Variants in MSTO1 observed in about 807,000 individuals in gnomAD.
MSTO1 encodes the protein protein misato homolog 1.
A neutral mutation model predicts 55.7 loss-of-function variants in MSTO1; 24 were observed. The ratio of observed to expected loss-of-function variants is 0.43; its 90% CI spans 0.31 to 0.61. The LOEUF (loss-of-function observed/expected upper bound fraction) is 0.61. Among genes scored for constraint, MSTO1 ranks in the 20% least tolerant of loss-of-function variants. The pLI is 0.09. For missense variants in MSTO1, 363 were observed against 625.7 expected, an observed-to-expected ratio of 0.58 and a Z score of 4.48; for synonymous variants, 162 against 252.8, an observed-to-expected ratio of 0.64 and a Z score of 3.41.
At chr1:155,594,181 C>T in the MSTO1 span, among the ~76,000 whole-genome samples, 265 of 151,918 alleles carry the variant, frequency 1.7e-3, no homozygotes, top group Non-Finnish European at 3.0e-3. Context: ...GCGGGTGGAT[C>T]ACATGAAGCT....
At chr1:155,610,182 C>G (rs896145629), upstream of MSTO1, 2 of 1,009,348 alleles carry the variant, frequency 2.0e-6, no homozygotes, top group Non-Finnish European at 2.9e-6. Flanking sequence ...ACGCGCCTGC[C>G]AAGCCAATCG....
the MSTO1 span, among the ~76,000 whole-genome samples, chr1:155,570,776 T>TTG: frequency 6.6e-6 from 1 of 151,930 alleles, no homozygotes; most frequent in Admixed American, 6.6e-5. Flanking sequence ...GTGTGTGTGT[T>TTG]TGTGTGTGTG....
At chr1:155,563,643 G>A in the MSTO1 span, 4 of 453,910 alleles carry the variant, frequency 8.8e-6, no homozygotes, top group Non-Finnish European at 1.8e-5. Flanking sequence ...GGAGGATGAA[G>A]AAACCATGTG....
the MSTO1 span, among the ~76,000 whole-genome samples, chr1:155,568,055 A>T: frequency 5.6e-5 from 8 of 143,472 alleles, no homozygotes; most frequent in African/African-American, 1.8e-4. Context: ...AAAAAAAATT[A>T]TTTATTTTAT....
chr1:155,594,072 A>G, the MSTO1 span, among the ~76,000 whole-genome samples: 3 of 151,758 alleles, frequency 2.0e-5, no homozygotes, highest in Admixed American at 6.6e-5. Flanking sequence ...AGGATGTGAC[A>G]TTTGAGTTGA....
chr1:155,606,440 G>A (rs2148975193), upstream of MSTO1, among the ~76,000 whole-genome samples: 1 of 150,708 alleles, frequency 6.6e-6, no homozygotes, highest in African/African-American at 2.4e-5. Flanking sequence ...TGTCTCCCAG[G>A]CTGGAGCGCA....
the MSTO1 span, among the ~76,000 whole-genome samples, chr1:155,592,826 A>G: frequency 6.6e-6 from 1 of 152,042 alleles, no homozygotes; most frequent in Admixed American, 6.6e-5. Flanking sequence ...AAGTGCTGGG[A>G]GCGAGCCACT....
chr1:155,611,994 G>A lies in MSTO1; in HGVS notation c.572G>A (p.Arg191Gln). ...TTTACTTGTGGCAGGGAAGCAGGTC[G>A]GCTGGAGGCTTTTGGCCAAGGGGAA... ...QKYNHDGEAG[R>Q]LEAFGQGESV... The change falls in exon 7 of 14, where the codon CGG becomes CAG. Residue 191 changes from arginine to glutamine, a missense_variant. Arg to Gln is a conservative substitution (Grantham distance 43). This residue lies in a region of MSTO1 where 94 missense variants were observed against 212.4 expected (regional missense o/e 0.44). Coordinates refer to ENST00000245564, the MANE Select transcript of MSTO1 (RefSeq NM_018116.4). The A allele has an allele frequency of 7.1e-7, 1 of 1,406,536 alleles. No individual in the cohort carries two copies. Among genetic ancestry groups the A allele is most frequent in the Non-Finnish European group, 9.7e-7 (1 of 1,027,670 alleles). 87.1% of individuals were successfully genotyped at this position (1,406,536 alleles called of 1,614,324 possible).
At chr1:155,597,115 A>G in the MSTO1 span, among the ~76,000 whole-genome samples, 1 of 151,072 alleles carries the variant, frequency 6.6e-6, no homozygotes, top group Non-Finnish European at 1.5e-5. Context: ...TCAAAAATAC[A>G]AAAGACAAAG....
the MSTO1 span, among the ~76,000 whole-genome samples, chr1:155,593,831 T>G: frequency 6.6e-6 from 1 of 151,772 alleles, no homozygotes; most frequent in Non-Finnish European, 1.5e-5. Context: ...TAGCCGGGTG[T>G]GGTGGCAGGC....
rs11454639 is a variant in MSTO1 at position 155,613,347 on chromosome 1, GA to G, written c.1284-105del. The G allele has an allele frequency of 1.7e-3, 2,314 of 1,400,458 alleles. 2 individuals are homozygous for G. Among genetic ancestry groups the G allele is most frequent in the Admixed American group, 5.6e-3 (255 of 45,236 alleles). The allele number at this position is 1,400,458 out of a possible 1,614,324, so 86.8% of individuals were successfully genotyped here. On this transcript the variant is annotated intron_variant, in intron 11 of 13. Transcript: ENST00000245564. ...TGTTCCCTCCCCACCCCTTAAAAAG[GA>G]AAAAAAAAAGGGCTTTGAATATCTT...
rs1293115536 is a variant in MSTO1 at position 155,614,719 on chromosome 1, T to A, written c.*446T>A. 124 of 1,576,774 alleles carry A rather than the reference T, an allele frequency of 7.9e-5. No individual in the cohort carries two copies. Among genetic ancestry groups the A allele is most frequent in the Non-Finnish European group, 1.1e-4 (121 of 1,147,558 alleles). The stretch of plus-strand genomic sequence containing the variant: ...GGTCCTGTGTAGATGATTCCCAGAG[T>A]CTCATTCATCCAGCTCCTCTTCAGA... On this transcript the variant is annotated 3_prime_UTR_variant, in exon 14 of 14. Coordinates refer to ENST00000245564, the MANE Select transcript of MSTO1 (RefSeq NM_018116.4).
At chr1:155,594,297 A>G in the MSTO1 span, among the ~76,000 whole-genome samples, 1 of 151,850 alleles carries the variant, frequency 6.6e-6, no homozygotes, top group Non-Finnish European at 1.5e-5. Context: ...AGCTACTTGG[A>G]GGTTGAGGCA....
upstream of MSTO1, among the ~76,000 whole-genome samples, chr1:155,608,701 AC>A (rs1673090128): frequency 6.6e-6 from 1 of 150,938 alleles, no homozygotes; most frequent in Admixed American, 6.6e-5. Flanking sequence ...ACGGGGTTTC[AC>A]CGTGTTAGCC....
At chr1:155,580,900 T>C in the MSTO1 span, among the ~76,000 whole-genome samples, 10 of 104,234 alleles carry the variant, frequency 9.6e-5, no homozygotes, top group Admixed American at 1.0e-3. Flanking sequence ...AGAGTGAGAC[T>C]CTGTCTCAAA....
chr1:155,603,985 G>T, the MSTO1 span, among the ~76,000 whole-genome samples: 1 of 152,168 alleles, frequency 6.6e-6, no homozygotes, highest in Non-Finnish European at 1.5e-5. Context: ...CAGGAAGACA[G>T]AGAGAAAAGA....
the MSTO1 span, chr1:155,590,847 C>T: frequency 0.016 from 25,776 of 1,609,180 alleles, 252 homozygotes; most frequent in Middle Eastern, 0.039. Flanking sequence ...TGGCATGCGC[C>T]GTCCAGCAAA....
chr1:155,606,610 T>C (rs1235611721), upstream of MSTO1, among the ~76,000 whole-genome samples: 1 of 150,648 alleles, frequency 6.6e-6, no homozygotes, highest in Non-Finnish European at 1.5e-5. Flanking sequence ...GGCCAGGTTG[T>C]TCTCAAATCC....
At chr1:155,568,391 A>G in the MSTO1 span, among the ~76,000 whole-genome samples, 2 of 149,982 alleles carry the variant, frequency 1.3e-5, no homozygotes, top group Admixed American at 1.3e-4. Flanking sequence ...AAAAATTTTT[A>G]TTTAAGACGG....
Sources: allele counts gnomAD v4.1 joint callset (sites outside exome capture counted in the v4.1 genomes callset), GRCh38; gene constraint gnomAD v4.1.1; regional missense constraint gnomAD v4.1.1; transcripts MANE v1.5; gene names NCBI Gene and HGNC (gene_info 2026-07-23, HGNC 2026-07-21).